MAP3K15: variants seen among roughly 807,000 people sequenced by gnomAD.
MAP3K15 encodes the protein MAPK/ERK kinase kinase 15.
In MAP3K15, 124 loss-of-function variants were observed where a neutral mutation model predicts 99.5. That is an observed-to-expected ratio of 1.25 (90% CI 1.08 to 1.45). The LOEUF (loss-of-function observed/expected upper bound fraction) is 1.45, where lower values mean the gene tolerates loss of function less well. Among genes scored for constraint, MAP3K15 ranks in the 40% most tolerant of loss-of-function variants. The pLI, the probability that MAP3K15 is intolerant of heterozygous loss-of-function variation, is 0.00. For synonymous variants in MAP3K15, 494 were observed against 439.6 expected (o/e 1.12, Z -1.55); for missense variants, 1,242 against 1,079.7 (o/e 1.15, Z -2.11).
chrX:19,477,031 T>C (rs1172027378), intron 3 of MAP3K15, among the ~76,000 whole-genome samples: 1 of 111,966 alleles, frequency 8.9e-6, no homozygotes, highest in Non-Finnish European at 1.9e-5. Context: ...AATTCTGAAA[T>C]ATCCTTAAAT....
intron 1 of MAP3K15, among the ~76,000 whole-genome samples, chrX:19,490,337 G>T (rs919624305): frequency 9.0e-6 from 1 of 111,171 alleles, no homozygotes; most frequent in Non-Finnish European, 1.9e-5. Context: ...ATACGTTTTC[G>T]CTTCTGTATA....
At chrX:19,457,312 G>C (rs1367669989) in intron 5 of MAP3K15, among the ~76,000 whole-genome samples, 1 of 112,310 alleles carries the variant, frequency 8.9e-6, no homozygotes, top group Admixed American at 9.4e-5. Flanking sequence ...GTGTAGGAGA[G>C]TTAACAACAT....
intron 1 of MAP3K15, among the ~76,000 whole-genome samples, chrX:19,499,166 C>A (rs2064425669): frequency 8.9e-6 from 1 of 111,880 alleles, no homozygotes; most frequent in Non-Finnish European, 1.9e-5. Flanking sequence ...CCAAAAAGCA[C>A]ATGGAGAAGT....
At position 19,393,760 on chromosome X, in the gene MAP3K15, C is replaced by CTTTTTTTTTTT. The variant is rs761246318; in HGVS notation, c.2195-1298_2195-1288dup. Among the ~76,000 whole-genome samples, 42 of 60,243 alleles carry CTTTTTTTTTTT rather than the reference C, an allele frequency of 7.0e-4. 7 individuals are homozygous for CTTTTTTTTTTT. Among genetic ancestry groups the CTTTTTTTTTTT allele is most frequent in the African/African-American group, 3.1e-3 (40 of 13,021 alleles). 52.3% of individuals were successfully genotyped at this position (60,243 alleles called of 115,157 possible). A position where few individuals can be genotyped will look rare whatever the true frequency, so the allele number is the denominator to read the frequency against. On this transcript the variant is annotated intron_variant, in intron 16 of 28. Transcript: ENST00000338883. ...TGAAAATCTAGCCCACTGCCTGGCT[C>CTTTTTTTTTTT]TTTTTTTTTTTTTTTTTTTTTTTTT...
At chrX:19,406,575 C>G (rs1019583768) in intron 13 of MAP3K15, among the ~76,000 whole-genome samples, 5 of 111,709 alleles carry the variant, frequency 4.5e-5, no homozygotes, top group Admixed American at 2.8e-4. Context: ...CAAGATGGGG[C>G]GAGGTTGAGG....
At chrX:19,438,955 T>C (rs181340173) in intron 6 of MAP3K15, among the ~76,000 whole-genome samples, 1,344 of 112,097 alleles carry the variant, frequency 0.012, 18 homozygotes, top group African/African-American at 0.04. Flanking sequence ...CCCAGCACTT[T>C]GGGAGGCCGA....
At chrX:19,507,126 C>G (rs1490808474) in intron 1 of MAP3K15, among the ~76,000 whole-genome samples, 3 of 111,766 alleles carry the variant, frequency 2.7e-5, no homozygotes, top group Non-Finnish European at 5.6e-5. Context: ...GAGGCTCTCA[C>G]TTACACAACT....
chrX:19,370,692 C>G (rs993854445), intron 24 of MAP3K15, among the ~76,000 whole-genome samples: 5 of 107,194 alleles, frequency 4.7e-5, no homozygotes, highest in African/African-American at 1.7e-4. Flanking sequence ...CCACCGCGTC[C>G]GGCCCCATGC....
intron 11 of MAP3K15, 90 bp downstream of exon 11, chrX:19,413,267 T>C (rs2063703598): frequency 1.6e-6 from 1 of 606,969 alleles, no homozygotes; most frequent in Non-Finnish European, 2.6e-6. Context: ...AATTCAGAAG[T>C]TAAACATGGG....
chrX:19,426,585 C>T (rs1393542350), intron 7 of MAP3K15, among the ~76,000 whole-genome samples: 1 of 110,291 alleles, frequency 9.1e-6, no homozygotes, highest in Non-Finnish European at 1.9e-5. Flanking sequence ...GAGGCCGAGG[C>T]ACGTGGACCA....
At chrX:19,363,472 G>A (rs1370191613) in intron 25 of MAP3K15, among the ~76,000 whole-genome samples, 1 of 111,815 alleles carries the variant, frequency 8.9e-6, no homozygotes, top group East Asian at 2.8e-4. Context: ...TCTCAAAAAC[G>A]TATCGTGAAC....
At position 19,374,651 on chromosome X, in the gene MAP3K15, A is replaced by G. The variant is rs1309650872; in HGVS notation, c.2599T>C (p.Phe867Leu). ...TCTGGAATCTCAGGGTGGATCTTAA[A>G]CATGCCCACCTGCATTTAAGGGAGA... is the stretch of plus-strand genomic sequence containing the variant. Reference protein sequence around the residue: ...PQAAMFKVGMFKIHPEIPEAL... With the variant: ...PQAAMFKVGMLKIHPEIPEAL... The change falls in exon 20 of 29, where the codon TTT becomes CTT. Residue 867 changes from phenylalanine (F) to leucine (L), a missense_variant. By Grantham distance (22) the Phe-to-Leu change is conservative. Coordinates refer to ENST00000338883, the MANE Select transcript of MAP3K15 (RefSeq NM_001001671.4). 8.3e-7 allele frequency: 1 copy of G among 1,209,527 alleles called. No individual in the cohort carries two copies. The highest frequency in any genetic ancestry group is 1.1e-6 in the Non-Finnish European group (1 of 894,141).
intron 16 of MAP3K15, among the ~76,000 whole-genome samples, chrX:19,394,793 T>C (rs1253933521): frequency 1.2e-4 from 2 of 16,720 alleles, no homozygotes; most frequent in African/African-American, 6.0e-4. Context: ...CTGTTGCTTT[T>C]TTTTTTTTTT....
In MAP3K15 at chrX:19,360,081, C is replaced by G. The variant is rs983752668; in HGVS notation, c.*668G>C. The G allele has an allele frequency of 5.4e-6, 1 of 183,856 alleles. No individual in the cohort carries two copies. Among genetic ancestry groups the G allele is most frequent in the Middle Eastern group, 2.1e-3 (1 of 482 alleles). 15.2% of individuals were successfully genotyped at this position (183,856 alleles called of 1,213,427 possible). A position where few individuals can be genotyped will look rare whatever the true frequency, so the allele number is the denominator to read the frequency against. ...CTCTACAAGATACAATATTTATTATCAGGCAAGAGGACAGTTCCATTTTAA... is the reference window on the plus strand; with the variant it reads ...CTCTACAAGATACAATATTTATTATGAGGCAAGAGGACAGTTCCATTTTAA... On this transcript the variant is annotated 3_prime_UTR_variant, in exon 29 of 29. Transcript: ENST00000338883.
intron 6 of MAP3K15, among the ~76,000 whole-genome samples, chrX:19,442,400 G>A (rs917370904): frequency 8.1e-5 from 9 of 111,620 alleles, no homozygotes; most frequent in Admixed American, 9.5e-5. Context: ...AATACAATAC[G>A]TTTACTTTCT....
At chrX:19,367,141 A>G (rs188696707) in intron 25 of MAP3K15, among the ~76,000 whole-genome samples, 6 of 112,376 alleles carry the variant, frequency 5.3e-5, no homozygotes, top group African/African-American at 1.6e-4. Flanking sequence ...ACACCATGGA[A>G]TATTATGCAG....
chrX:19,404,176 C>G (rs1295495425), intron 13 of MAP3K15, among the ~76,000 whole-genome samples: 2 of 111,597 alleles, frequency 1.8e-5, no homozygotes, highest in Non-Finnish European at 3.8e-5. Context: ...TTGTAAGTTA[C>G]AAAATCAACA....
At position 19,448,538 on chromosome X, in the gene MAP3K15, T is replaced by A. The variant is rs1244492598; in HGVS notation, c.995+8375A>T. Among the ~76,000 whole-genome samples the A allele has an allele frequency of 1.9e-5, 2 of 107,691 alleles. 1 individual carries two copies. The highest frequency in any genetic ancestry group is 3.9e-5 in the Non-Finnish European group (2 of 51,440). The allele number at this position is 107,691 out of a possible 115,157, so 93.5% of individuals were successfully genotyped here. The stretch of plus-strand genomic sequence containing the variant: ...TACTGTTATGGGGGAAAAAATACCT[T>A]AAACCACTGGAGGAAGGTCCCCCCC... On this transcript the variant is annotated intron_variant, in intron 6 of 28. Coordinates refer to ENST00000338883, the MANE Select transcript of MAP3K15 (RefSeq NM_001001671.4).
chrX:19,395,254 C>T, intron 15 of MAP3K15, 46 bp from the exon 16 acceptor site: 1 of 1,171,319 alleles, frequency 8.5e-7, no homozygotes, highest in Non-Finnish European at 1.2e-6. Context: ...ATCCCAGGGA[C>T]TCTAGAACCA....
Sources: allele counts gnomAD v4.1 joint callset (sites outside exome capture counted in the v4.1 genomes callset), GRCh38; gene constraint gnomAD v4.1.1; transcripts MANE v1.5; gene names NCBI Gene and HGNC (gene_info 2026-07-23, HGNC 2026-07-21).